PDE3B: variants seen among roughly 807,000 people sequenced by gnomAD.
The protein encoded by PDE3B is phosphodiesterase 3B.
PDE3B carries 66 observed loss-of-function variants against 116.8 expected under a neutral mutation model. The observed-to-expected ratio is 0.56, with a 90% CI of 0.46 to 0.69. The LOEUF is 0.69. Ranked by LOEUF, PDE3B falls within the 30% of genes least tolerant of loss-of-function variation. The pLI, the probability that PDE3B is intolerant of heterozygous loss-of-function variation, is 0.00. For missense variants in PDE3B, 1,384 were observed against 1,368.1 expected, an observed-to-expected ratio of 1.01 and a Z score of -0.18; for synonymous variants, 595 against 533.6, an observed-to-expected ratio of 1.12 and a Z score of -1.59.
chr11:14,831,354 T>C (rs1020386140), intron 8 of PDE3B, among the ~76,000 whole-genome samples: 4 of 151,732 alleles, frequency 2.6e-5, no homozygotes, highest in African/African-American at 7.2e-5. Context: ...ATGAAAATAA[T>C]AGACTTTGGA....
chr11:14,797,176 T>A (rs1052671690), intron 4 of PDE3B, among the ~76,000 whole-genome samples: 3 of 152,176 alleles, frequency 2.0e-5, no homozygotes, highest in Admixed American at 2.0e-4. Flanking sequence ...TGGTTGTAGA[T>A]GTGTGGTGTT....
intron 1 of PDE3B, among the ~76,000 whole-genome samples, chr11:14,704,787 A>G (rs533595057): frequency 9.2e-5 from 14 of 151,868 alleles, no homozygotes; most frequent in African/African-American, 3.1e-4. Flanking sequence ...TAAAACTAAA[A>G]AAAGCTGTAA....
In PDE3B at chr11:14,771,447, A is replaced by G. The variant is rs564083990; in HGVS notation, c.979-490A>G. Among the ~76,000 whole-genome samples, 29 of 151,788 alleles carry G rather than the reference A, an allele frequency of 1.9e-4. No individual in the cohort carries two copies. In the South Asian group the frequency reaches 5.8e-3, roughly 30 times the overall value. On this transcript the variant is annotated intron_variant, in intron 1 of 15. Transcript: ENST00000282096. Reference sequence around the variant, plus strand: ...ACAATCACTAATTATGTGCATATCAAAAGGGGTATGTGCTGCTTTTGATAA... The same window carrying G: ...ACAATCACTAATTATGTGCATATCAGAAGGGGTATGTGCTGCTTTTGATAA...
intron 2 of PDE3B, 84 bp downstream of exon 2, chr11:14,772,071 T>G: frequency 1.5e-6 from 1 of 651,132 alleles, no homozygotes; most frequent in Non-Finnish European, 2.7e-6. Flanking sequence ...TTTTGACACT[T>G]AAAGTTACAC....
chr11:14,792,501 A>G (rs1394308934), intron 4 of PDE3B, among the ~76,000 whole-genome samples: 2 of 152,208 alleles, frequency 1.3e-5, no homozygotes, highest in African/African-American at 2.4e-5. Flanking sequence ...ATTAAGTATT[A>G]TAACCCTGGG....
intron 1 of PDE3B, among the ~76,000 whole-genome samples, chr11:14,729,222 A>T (rs1856393695): frequency 6.6e-6 from 1 of 152,236 alleles, no homozygotes; most frequent in Non-Finnish European, 1.5e-5. Context: ...CTTTTTGTTG[A>T]TCAGAGCATA....
chr11:14,721,049 A>G (rs1310563657), intron 1 of PDE3B, among the ~76,000 whole-genome samples: 1 of 139,234 alleles, frequency 7.2e-6, no homozygotes, highest in African/African-American at 2.7e-5. Context: ...AATATCCAGA[A>G]TCTACAATGA....
At chr11:14,779,050 A>G (rs968946462) in intron 2 of PDE3B, among the ~76,000 whole-genome samples, 3 of 152,172 alleles carry the variant, frequency 2.0e-5, no homozygotes, top group Non-Finnish European at 4.4e-5. Flanking sequence ...AGCCGATTCG[A>G]TCAAGTAGAA....
At chr11:14,753,766 C>T (rs1364676278) in intron 1 of PDE3B, among the ~76,000 whole-genome samples, 3 of 152,038 alleles carry the variant, frequency 2.0e-5, no homozygotes, top group Non-Finnish European at 4.4e-5. Flanking sequence ...ATAAAATATA[C>T]ACAACAACTT....
Position 14,861,249 on chromosome 11 carries a change from T to C in PDE3B, c.2769T>C (p.Asn923=). Residue 923 remains asparagine (N), a synonymous_variant, in exon 14 of 16, where the codon AAT becomes AAC. Coordinates refer to ENST00000282096, the MANE Select transcript of PDE3B (RefSeq NM_000922.4). ...ATGGCATAGAATGGAGTAATGAAAA[T>C]GATCGCCTCTTGGTATGCCAGGTGT... ...NSNGIEWSNE[N]DRLLVCQVCI... The C allele has an allele frequency of 1.2e-6, 2 of 1,613,690 alleles. No individual in the cohort carries two copies. Among genetic ancestry groups the C allele is most frequent in the Non-Finnish European group, 1.7e-6 (2 of 1,179,666 alleles).
At chr11:14,889,127 T>C in the PDE3B span, among the ~76,000 whole-genome samples, 3 of 151,878 alleles carry the variant, frequency 2.0e-5, no homozygotes, top group Admixed American at 1.3e-4. Context: ...CGGGTGTCAC[T>C]TGAAGTGACT....
intron 1 of PDE3B, among the ~76,000 whole-genome samples, chr11:14,769,331 G>C (rs1857574771): frequency 1.3e-5 from 2 of 151,302 alleles, no homozygotes; most frequent in East Asian, 3.9e-4. Flanking sequence ...ACAGTAGAGA[G>C]ATCTAAAGAG....
intron 2 of PDE3B, among the ~76,000 whole-genome samples, chr11:14,784,805 T>C (rs1333359790): frequency 6.6e-6 from 1 of 152,154 alleles, no homozygotes; most frequent in Non-Finnish European, 1.5e-5. Flanking sequence ...GAGATATTTA[T>C]GAGTAGATTC....
intron 5 of PDE3B, among the ~76,000 whole-genome samples, chr11:14,810,538 G>C (rs917767212): frequency 6.6e-6 from 1 of 151,934 alleles, no homozygotes; most frequent in Non-Finnish European, 1.5e-5. Context: ...TAGTGTATAT[G>C]TGCCACATTT....
chr11:14,688,554 A>G (rs1227503462), intron 1 of PDE3B, among the ~76,000 whole-genome samples: 1 of 152,184 alleles, frequency 6.6e-6, no homozygotes, highest in Non-Finnish European at 1.5e-5. Flanking sequence ...GTAAACTTTA[A>G]GATATGTTTA....
intron 1 of PDE3B, among the ~76,000 whole-genome samples, chr11:14,685,045 G>C (rs2133798948): frequency 6.6e-6 from 1 of 152,206 alleles, no homozygotes; most frequent in South Asian, 2.1e-4. Flanking sequence ...AGGATTAAGA[G>C]ATTAAAGTAA....
intron 1 of PDE3B, among the ~76,000 whole-genome samples, chr11:14,651,075 T>C (rs1242584003): frequency 6.6e-6 from 1 of 152,112 alleles, no homozygotes; most frequent in Admixed American, 6.6e-5. Flanking sequence ...TTGTCTCAAG[T>C]TCTGGAGGCC....
the PDE3B span, among the ~76,000 whole-genome samples, chr11:14,882,931 C>T: frequency 6.6e-6 from 1 of 152,050 alleles, no homozygotes; most frequent in South Asian, 2.1e-4. Context: ...CTCCCATTCA[C>T]AATTGCTTCA....
At chr11:14,805,626 G>A (rs1048601569) in intron 5 of PDE3B, among the ~76,000 whole-genome samples, 4 of 152,122 alleles carry the variant, frequency 2.6e-5, no homozygotes, top group African/African-American at 4.8e-5. Flanking sequence ...GTAGAAAAAC[G>A]TACATTTTTT....
Sources: allele counts gnomAD v4.1 joint callset (sites outside exome capture counted in the v4.1 genomes callset), GRCh38; gene constraint gnomAD v4.1.1; transcripts MANE v1.5; gene names NCBI Gene and HGNC (gene_info 2026-07-23, HGNC 2026-07-21).